The following NLRP12 variants were observed in gnomAD, a reference collection of about 807,000 sequenced individuals.
NLRP12 encodes NLR family pyrin domain containing 12, also known as NACHT, LRR and PYD domains-containing protein 12.
A neutral mutation model predicts 91.2 loss-of-function variants in NLRP12; 108 were observed. That is an observed-to-expected ratio of 1.18 (90% confidence interval 1.01 to 1.39). The LOEUF is 1.39. Ranked by LOEUF, NLRP12 falls within the 40% of genes most tolerant of loss-of-function variation. The probability of loss-of-function intolerance (pLI) is 0.00; values close to 1 mark genes in which losing one functional copy is unlikely to be tolerated. For synonymous variants in NLRP12, 613 were observed against 566.7 expected (o/e 1.08, Z -1.16); for missense variants, 1,530 against 1,352.7 (o/e 1.13, Z -2.06).
Position 53,807,600 on chromosome 19 carries a change from G to C in NLRP12, c.2138C>G (p.Pro713Arg). The change falls in exon 4 of 10, where the codon CCA (proline) becomes CGA (arginine). Residue 713 changes from proline to arginine, a missense_variant. Transcript: ENST00000324134. ...GTACAGAGACAGCTCTATCAGGTTT[G>C]GATTGGTGCACAGGGCCGCTGCCAG... ...EHLAAALCTN[P>R]NLIELSLYRN... 6.2e-7 allele frequency: 1 copy of C among 1,614,150 alleles called. No homozygotes were observed. Among genetic ancestry groups the C allele is most frequent in the Non-Finnish European group, 8.5e-7 (1 of 1,180,030 alleles).
chr19:53,810,170 T>C lies in NLRP12; in HGVS notation c.1489A>G (p.Met497Val), dbSNP rs778342032. 3 of 1,614,132 alleles carry C rather than the reference T, an allele frequency of 1.9e-6. No individual in the cohort carries two copies. Among genetic ancestry groups the C allele is most frequent in the South Asian group, 1.1e-5 (1 of 91,088 alleles). The change falls in exon 3 of 10, where the codon ATG (methionine) becomes GTG (valine). Residue 497 changes from methionine to valine, a missense_variant. Transcript: ENST00000324134. ...TTGATGTCCTTCTGGAAGATGTTCA[T>C]GTTGAGGAAGGCAGAGACGTCTTCC... is the stretch of plus-strand genomic sequence containing the variant. Reference protein sequence around the residue: ...DGEDVSAFLNMNIFQKDINCE... With the variant: ...DGEDVSAFLNVNIFQKDINCE...
At chr19:53,804,962 G>A (rs1448516330) in intron 5 of NLRP12, among the ~76,000 whole-genome samples, 1 of 151,964 alleles carries the variant, frequency 6.6e-6, no homozygotes, top group African/African-American at 2.4e-5. Flanking sequence ...CGCAGGAAGT[G>A]GGGGTTGCAG....
intron 2 of NLRP12, among the ~76,000 whole-genome samples, chr19:53,813,137 T>A (rs2092102424): frequency 6.6e-6 from 1 of 151,838 alleles, no homozygotes; most frequent in Non-Finnish European, 1.5e-5. Context: ...CGCCTCGGCC[T>A]CTCAAAGTGC....
intron 8 of NLRP12, 33 bp downstream of exon 8, chr19:53,798,210 A>G: frequency 6.2e-7 from 1 of 1,613,262 alleles, no homozygotes; most frequent in Non-Finnish European, 8.5e-7. Flanking sequence ...TCCAAACGTG[A>G]CCACTGCCAC....
At position 53,798,339 on chromosome 19, in the gene NLRP12, C is replaced by T. The variant is rs200742741; in HGVS notation, c.2831G>A (p.Arg944Gln). ...SVVLQANHNL[R>Q]ELDLSFNDLG... ...GTCGTTGAAACTCAAGTCCAGCTCC[C>T]GGAGGTTGTGGTTGGCCTGGAGCAC... Residue 944 changes from arginine (R) to glutamine (Q), a missense_variant, in exon 8 of 10, where the codon CGG becomes CAG. Arg to Gln is a conservative substitution (Grantham distance 43). Transcript: ENST00000324134. 131 of 1,613,962 alleles carry T rather than the reference C, an allele frequency of 8.1e-5. No homozygotes were observed. The highest frequency in any genetic ancestry group is 9.7e-5 in the Non-Finnish European group (115 of 1,180,030).
chr19:53,823,138 T>TATATACACATATATACACATAC (rs2092284259), intron 1 of NLRP12, among the ~76,000 whole-genome samples: 1 of 8,430 alleles, frequency 1.2e-4, no homozygotes, highest in East Asian at 1.4e-3. Context: ...TATACACATA[T>TATATACACATATATACACATAC]ATATACGTGT....
chr19:53,800,780 C>T (rs2091855680), intron 7 of NLRP12, among the ~76,000 whole-genome samples: 1 of 152,046 alleles, frequency 6.6e-6, no homozygotes, highest in Admixed American at 6.6e-5. Flanking sequence ...TGGGGTGTTT[C>T]TACATGTTGG....
In NLRP12 at chr19:53,802,639, G is replaced by A. The variant is rs1242017053; in HGVS notation, c.2586-1242C>T. On this transcript the variant is annotated intron_variant, in intron 6 of 9. Coordinates refer to ENST00000324134, the MANE Select transcript of NLRP12 (RefSeq NM_144687.4). ...GGAGAATGGTGTGAACCCGGGAGGC[G>A]GAGCTTGCAGTGAGCAGAGATCACA... Among the ~76,000 whole-genome samples the A allele has an allele frequency of 4.0e-5, 6 of 151,854 alleles. No individual in the cohort carries two copies. The South Asian group carries it at 6.2e-4, about 16-fold the overall frequency.
intron 1 of NLRP12, among the ~76,000 whole-genome samples, chr19:53,820,694 T>A (rs575286314): frequency 3.7e-4 from 55 of 147,534 alleles, no homozygotes; most frequent in Non-Finnish European, 4.3e-4. Context: ...ATAAATTATT[T>A]TTTTTTTTTT....
In NLRP12 at chr19:53,797,904, A is replaced by AT. The variant is rs564064918; in HGVS notation, c.2927+338dup. 5.5e-4 allele frequency among the ~76,000 whole-genome samples: 80 copies of AT among 145,982 alleles called. No individual in the cohort carries two copies. In the Middle Eastern group the frequency reaches 0.013, roughly 23 times the overall value. On this transcript the variant is annotated intron_variant, in intron 8 of 9. Transcript: ENST00000324134. ...CAGGCATGTGCCACCAGGCCCGGCTATTTTTTTTGTATTTAGTAGAGACAG... is the reference window on the plus strand; with the variant it reads ...CAGGCATGTGCCACCAGGCCCGGCTATTTTTTTTTGTATTTAGTAGAGACAG...
rs59986011 is a variant in NLRP12 at position 53,812,412 on chromosome 19, C to CAAA, written c.371-1127_371-1125dup. Among the ~76,000 whole-genome samples the CAAA allele has an allele frequency of 4.7e-3, 561 of 118,522 alleles. 9 individuals carry two copies. The highest frequency in any genetic ancestry group is 0.016 in the African/African-American group (530 of 32,646). 77.8% of individuals were successfully genotyped at this position (118,522 alleles called of 152,430 possible). A position where few individuals can be genotyped will look rare whatever the true frequency, so the allele number is the denominator to read the frequency against. ...TGGGCGACAGCGTGAGACTCTGCCT[C>CAAA]AAAAAAAAAAAAAAAAAATCTAGAA... On this transcript the variant is annotated intron_variant, in intron 2 of 9. Coordinates refer to ENST00000324134, the MANE Select transcript of NLRP12 (RefSeq NM_144687.4).
At chr19:53,818,525 C>T (rs777232740) in intron 1 of NLRP12, among the ~76,000 whole-genome samples, 21 of 152,028 alleles carry the variant, frequency 1.4e-4, no homozygotes, top group Non-Finnish European at 2.6e-4. Context: ...ATTAGCCGGG[C>T]GTGGTGGCGG....
intron 8 of NLRP12, among the ~76,000 whole-genome samples, chr19:53,797,233 G>A (rs1187041355): frequency 1.1e-4 from 16 of 152,004 alleles, no homozygotes. Context: ...CTGGGTTCAA[G>A]TGATTCTCCT....
At chr19:53,815,974 G>A (rs2092153062) in intron 1 of NLRP12, among the ~76,000 whole-genome samples, 1 of 145,238 alleles carries the variant, frequency 6.9e-6, no homozygotes, top group Non-Finnish European at 1.5e-5. Context: ...GTCTCAGTAT[G>A]TTACCCAGGC....
intron 2 of NLRP12, among the ~76,000 whole-genome samples, chr19:53,813,289 T>TTTTC (rs2092105924): frequency 1.4e-5 from 2 of 139,918 alleles, no homozygotes; most frequent in Non-Finnish European, 3.1e-5. Flanking sequence ...TTCTTTTTTT[T>TTTTC]TTTTCTTTTC....
At chr19:53,795,112 G>C (rs558051839) in intron 9 of NLRP12, among the ~76,000 whole-genome samples, 7,840 of 141,812 alleles carry the variant, frequency 0.055, 291 homozygotes, top group South Asian at 0.18. Flanking sequence ...GTGTGCGTGT[G>C]TGTGTGTGTG....
Position 53,810,765 on chromosome 19 carries a change from C to G in NLRP12, c.894G>C (p.Glu298Asp). Residue 298 changes from glutamate (E) to aspartate (D), a missense_variant, in exon 3 of 10, where the codon GAG becomes GAC. Transcript: ENST00000324134. ...GAGGATCGTGGAAAGAAGGCTTGAG[C>G]TCATCGAAGCCGTCGATGATGAAAA... ...RLLFIIDGFDELKPSFHDPQG... is the reference protein window; with the variant it reads ...RLLFIIDGFDDLKPSFHDPQG... 2 of 1,614,002 alleles carry G rather than the reference C, an allele frequency of 1.2e-6. No homozygotes were observed. Among genetic ancestry groups the G allele is most frequent in the African/African-American group, 2.7e-5 (2 of 75,052 alleles).
At position 53,798,432 on chromosome 19, in the gene NLRP12, AG is replaced by A; in HGVS notation, c.2757-20del. On this transcript the variant is annotated intron_variant, in intron 7 of 9. Coordinates refer to ENST00000324134, the MANE Select transcript of NLRP12 (RefSeq NM_144687.4). ...GCCCAACCTGCAAAGACAGGATGCTAGGGCGGAGTGGGAGGCATTCCTCCTG... is the reference window on the plus strand; with the variant it reads ...GCCCAACCTGCAAAGACAGGATGCTAGGCGGAGTGGGAGGCATTCCTCCTG... The A allele has an allele frequency of 6.2e-7, 1 of 1,611,620 alleles. No individual in the cohort carries two copies. Among genetic ancestry groups the A allele is most frequent in the Non-Finnish European group, 8.5e-7 (1 of 1,178,940 alleles).
chr19:53,819,262 G>A (rs1045698711), intron 1 of NLRP12, among the ~76,000 whole-genome samples: 21 of 149,208 alleles, frequency 1.4e-4, no homozygotes, highest in African/African-American at 3.9e-4. Flanking sequence ...TTCTTTTTTT[G>A]AGATGGAGTC....
Sources: allele counts gnomAD v4.1 joint callset (sites outside exome capture counted in the v4.1 genomes callset), GRCh38; gene constraint gnomAD v4.1.1; transcripts MANE v1.5; gene names NCBI Gene and HGNC (gene_info 2026-07-23, HGNC 2026-07-21).